The following SPOCK3 variants were observed in gnomAD, a reference collection of about 807,000 sequenced individuals.
SPOCK3 encodes the protein SPARC (osteonectin), cwcv and kazal like domains proteoglycan 3.
In SPOCK3, 30 loss-of-function variants were observed where a neutral mutation model predicts 56.6. The observed-to-expected ratio is 0.53, with a 90% CI of 0.40 to 0.72. The LOEUF (loss-of-function observed/expected upper bound fraction) is 0.72. SPOCK3 is among the 30% of genes least tolerant of loss of function. SPOCK3 has a pLI of 0.00. For synonymous variants in SPOCK3, 196 were observed against 183.3 expected, an observed-to-expected ratio of 1.07 and a Z score of -0.56; for missense variants, 527 against 530.0, an observed-to-expected ratio of 0.99 and a Z score of 0.06.
intron 2 of SPOCK3, among the ~76,000 whole-genome samples, chr4:167,080,230 T>C (rs1580227681): frequency 6.6e-6 from 1 of 152,048 alleles, no homozygotes; most frequent in African/African-American, 2.4e-5. Flanking sequence ...CAATTTGCCA[T>C]CAGTATTGTC....
chr4:167,071,896 C>T (rs1262786939), intron 2 of SPOCK3, among the ~76,000 whole-genome samples: 3 of 152,030 alleles, frequency 2.0e-5, no homozygotes, highest in African/African-American at 7.2e-5. Flanking sequence ...TGTTTCCTGA[C>T]TTTTTAATGA....
At chr4:166,972,623 A>G (rs1326117588) in intron 4 of SPOCK3, among the ~76,000 whole-genome samples, 3 of 152,174 alleles carry the variant, frequency 2.0e-5, no homozygotes, top group Admixed American at 2.0e-4. Flanking sequence ...AACCTATTTA[A>G]TAAATACTAA....
At chr4:167,226,486 T>C (rs1339105777) in intron 2 of SPOCK3, among the ~76,000 whole-genome samples, 2 of 152,128 alleles carry the variant, frequency 1.3e-5, no homozygotes, top group Non-Finnish European at 2.9e-5. Flanking sequence ...GGATGGAGAC[T>C]GAGAATATTT....
chr4:166,952,022 C>T (rs568940485), intron 4 of SPOCK3, among the ~76,000 whole-genome samples: 8 of 152,272 alleles, frequency 5.3e-5, no homozygotes, highest in Non-Finnish European at 7.3e-5. Flanking sequence ...AAAACTGGCA[C>T]AAGACAGGGA....
intron 2 of SPOCK3, among the ~76,000 whole-genome samples, chr4:167,207,307 A>T (rs1282733613): frequency 1.3e-5 from 2 of 152,044 alleles, no homozygotes. Flanking sequence ...GTAAATGAAC[A>T]TTCCAATACT....
At chr4:166,949,833 C>T (rs1742298687) in intron 4 of SPOCK3, among the ~76,000 whole-genome samples, 1 of 151,984 alleles carries the variant, frequency 6.6e-6, no homozygotes, top group African/African-American at 2.4e-5. Context: ...TCCAGCCAAA[C>T]TAAGCTTCAA....
intron 2 of SPOCK3, among the ~76,000 whole-genome samples, chr4:167,177,887 C>T (rs1323062498): frequency 1.3e-5 from 2 of 152,162 alleles, no homozygotes; most frequent in Non-Finnish European, 2.9e-5. Context: ...CCAGCTCCTA[C>T]CAATACTAAG....
At chr4:167,080,946 T>A in intron 2 of SPOCK3, among the ~76,000 whole-genome samples, 1 of 149,556 alleles carries the variant, frequency 6.7e-6, no homozygotes, top group Non-Finnish European at 1.5e-5. Context: ...AATGGCACGA[T>A]CTCGTCTCAC....
intron 2 of SPOCK3, among the ~76,000 whole-genome samples, chr4:167,077,815 G>T (rs1757332980): frequency 6.6e-6 from 1 of 151,654 alleles, no homozygotes; most frequent in Admixed American, 6.6e-5. Context: ...CTTATTACCT[G>T]CAGGTGAGTC....
At chr4:166,740,526 ATTATCAT>A in intron 9 of SPOCK3, among the ~76,000 whole-genome samples, 1 of 10,842 alleles carries the variant, frequency 9.2e-5, no homozygotes, top group South Asian at 4.1e-3. Context: ...TATTATTATT[ATTATCAT>A]TATTATTTCT....
intron 4 of SPOCK3, among the ~76,000 whole-genome samples, chr4:166,958,419 C>T (rs572319399): frequency 2.0e-5 from 3 of 152,200 alleles, no homozygotes; most frequent in South Asian, 2.1e-4. Context: ...TTTGTAGCAA[C>T]GTGAGAACAA....
chr4:166,762,892 G>A (rs1336250651), intron 7 of SPOCK3, among the ~76,000 whole-genome samples: 1 of 152,060 alleles, frequency 6.6e-6, no homozygotes, highest in African/African-American at 2.4e-5. Flanking sequence ...CCAACCATGA[G>A]CCTTATTGAA....
intron 4 of SPOCK3, among the ~76,000 whole-genome samples, chr4:166,918,688 G>T (rs775439588): frequency 1.6e-4 from 24 of 152,216 alleles, no homozygotes; most frequent in Non-Finnish European, 2.9e-4. Flanking sequence ...AGTAATTAAT[G>T]AAAAATACCT....
intron 2 of SPOCK3, among the ~76,000 whole-genome samples, chr4:167,219,788 A>T (rs968428151): frequency 9.9e-5 from 15 of 152,230 alleles, no homozygotes; most frequent in African/African-American, 3.6e-4. Context: ...TTGAATTTTA[A>T]TTTACTCAAA....
intron 7 of SPOCK3, among the ~76,000 whole-genome samples, chr4:166,768,187 C>T (rs1028844096): frequency 6.6e-6 from 1 of 152,128 alleles, no homozygotes; most frequent in Admixed American, 6.5e-5. Context: ...AGCCCATTTA[C>T]TTTTAAGATT....
chr4:167,168,220 T>C (rs1303325481), intron 2 of SPOCK3, among the ~76,000 whole-genome samples: 2 of 152,020 alleles, frequency 1.3e-5, no homozygotes, highest in Non-Finnish European at 2.9e-5. Flanking sequence ...ACTGGTAGAG[T>C]GCGGTGCTGC....
chr4:166,881,933 G>C (rs28567527), intron 6 of SPOCK3, among the ~76,000 whole-genome samples: 1 of 151,886 alleles, frequency 6.6e-6, no homozygotes, highest in South Asian at 2.1e-4. Context: ...CCTTATTATC[G>C]TACATTATAT....
chr4:166,889,257 AG>A lies in SPOCK3; in HGVS notation c.475-14del, dbSNP rs1348944839. 3.4e-6 allele frequency: 5 copies of A among 1,470,816 alleles called. No homozygotes were observed. The African/African-American group carries it at 7.0e-5, about 21-fold the overall frequency. 91.1% of individuals were successfully genotyped at this position (1,470,816 alleles called of 1,614,324 possible). On this transcript the variant is annotated splice_polypyrimidine_tract_variant and intron_variant, in intron 5 of 10. Coordinates refer to ENST00000357545, the MANE Select transcript of SPOCK3 (RefSeq NM_001040159.2). The stretch of plus-strand genomic sequence containing the variant: ...ATTCTAGTTTGCACTGTATAAAAAG[AG>A]AAAAAAAAAGTAATTCAAATGCTTT...
intron 4 of SPOCK3, among the ~76,000 whole-genome samples, chr4:166,983,394 C>T (rs1579896544): frequency 6.6e-6 from 1 of 152,134 alleles, no homozygotes; most frequent in Admixed American, 6.5e-5. Flanking sequence ...ATGACCTCAA[C>T]TTTGTTAGCT....
Sources: allele counts gnomAD v4.1 joint callset (sites outside exome capture counted in the v4.1 genomes callset), GRCh38; gene constraint gnomAD v4.1.1; transcripts MANE v1.5; gene names NCBI Gene and HGNC (gene_info 2026-07-23, HGNC 2026-07-21).